Variants in SLC24A1 observed in about 807,000 individuals in gnomAD.
SLC24A1 encodes sodium/potassium/calcium exchanger 1.
In SLC24A1, 52 loss-of-function variants were observed where a neutral mutation model predicts 88.1. The ratio of observed to expected loss-of-function variants is 0.59; its 90% confidence interval spans 0.47 to 0.74. The LOEUF is 0.74. Ranked by LOEUF, SLC24A1 falls within the 30% of genes least tolerant of loss-of-function variation. The pLI is 0.00. For synonymous variants in SLC24A1, 455 were observed against 498.0 expected, an observed-to-expected ratio of 0.91 and a Z score of 1.15; for missense variants, 1,173 against 1,363.3, an observed-to-expected ratio of 0.86 and a Z score of 2.20.
chr15:65,613,711 C>A (rs2074048755), intron 2 of SLC24A1, among the ~76,000 whole-genome samples: 1 of 152,040 alleles, frequency 6.6e-6, no homozygotes, highest in African/African-American at 2.4e-5. Flanking sequence ...GTCTTGAACT[C>A]CTGATTTCAA....
intron 6 of SLC24A1, among the ~76,000 whole-genome samples, chr15:65,646,052 A>G (rs2075290615): frequency 6.6e-6 from 1 of 152,108 alleles, no homozygotes; most frequent in Admixed American, 6.5e-5. Flanking sequence ...GGTGGGAGGG[A>G]TGCTGGGTGA....
chr15:65,652,476 C>T (rs1284659979), intron 8 of SLC24A1, 166 bp from the exon 9 acceptor site: 1 of 576,300 alleles, frequency 1.7e-6, no homozygotes, highest in African/African-American at 1.9e-5. Flanking sequence ...CTCTTCCTCT[C>T]TGTGGCCATC....
chr15:65,634,757 A>AAAAAAAAAAAAAAAAAAAC (rs2074854867), intron 2 of SLC24A1, among the ~76,000 whole-genome samples: 1 of 148,960 alleles, frequency 6.7e-6, no homozygotes, highest in Non-Finnish European at 1.5e-5. Flanking sequence ...AAAAAAAAAA[A>AAAAAAAAAAAAAAAAAAAC]AGAAAAAGAA....
upstream of SLC24A1, among the ~76,000 whole-genome samples, chr15:65,619,165 GTGCTTTTCCACAGATTCTC>G (rs1175741895): frequency 3.3e-5 from 5 of 152,204 alleles, no homozygotes; most frequent in Non-Finnish European, 7.3e-5. Flanking sequence ...ACAGATCAAA[GTGCTTTTCCACAGATTCTC>G]TCACTGTTAC....
Position 65,624,917 on chromosome 15 carries a change from C to T in SLC24A1, c.837C>T (p.Asn279=). 4 of 1,613,362 alleles carry T rather than the reference C, an allele frequency of 2.5e-6. No individual in the cohort carries two copies. The highest frequency in any genetic ancestry group is 3.4e-6 in the Non-Finnish European group (4 of 1,179,702). ...CTCCAAGGAGCGTCATGGAAAAAAA[C>T]AACCTGTTTCCCCCCAGAAGAGTGG... The part of the protein sequence containing the change: ...LTSPRSVMEK[N]NLFPPRRVES... Residue 279 remains asparagine (N), a synonymous_variant, in exon 2 of 10, where the codon AAC becomes AAT. Transcript: ENST00000261892.
upstream of SLC24A1, among the ~76,000 whole-genome samples, chr15:65,619,617 G>A (rs2074256500): frequency 6.6e-6 from 1 of 151,834 alleles, no homozygotes. Flanking sequence ...TGTAGAGTCA[G>A]CTGCAACTCC....
chr15:65,645,526 C>G (rs1371588860), intron 5 of SLC24A1, 86 bp from the exon 6 acceptor site: 1 of 990,814 alleles, frequency 1.0e-6, no homozygotes, highest in African/African-American at 1.6e-5. Context: ...TCCAATAGCC[C>G]TGTAGCCACT....
In SLC24A1 at chr15:65,654,646, A is replaced by G. The variant is rs2075614708; in HGVS notation, c.*567A>G. ...GCTACAGAAAAAAAAGAAATATAAC[A>G]GGAATTAATGATCATTCCACGTTTT... On this transcript the variant is annotated 3_prime_UTR_variant, in exon 10 of 10. Transcript: ENST00000261892. 1.6e-6 allele frequency: 2 copies of G among 1,270,042 alleles called. No individual in the cohort carries two copies. Among genetic ancestry groups the G allele is most frequent in the South Asian group, 2.6e-5 (2 of 77,888 alleles). The allele number at this position is 1,270,042 out of a possible 1,614,324, so 78.7% of individuals were successfully genotyped here.
At chr15:65,621,764 C>A (rs2074325513), upstream of SLC24A1, among the ~76,000 whole-genome samples, 1 of 152,202 alleles carries the variant, frequency 6.6e-6, no homozygotes, top group South Asian at 2.1e-4. Context: ...TCCCCAGTTC[C>A]TCCATTGACT....
At chr15:65,626,927 A>C (rs543567308) in intron 2 of SLC24A1, among the ~76,000 whole-genome samples, 1 of 152,112 alleles carries the variant, frequency 6.6e-6, no homozygotes, top group Non-Finnish European at 1.5e-5. Flanking sequence ...CTGCTCCTAA[A>C]GGGTGAGTTT....
chr15:65,650,795 G>A lies in SLC24A1; in HGVS notation c.2646G>A (p.Glu882=). The change falls in exon 7 of 10, where the codon GAG becomes GAA. Residue 882 remains glutamate, a synonymous_variant. Coordinates refer to ENST00000261892, the MANE Select transcript of SLC24A1 (RefSeq NM_004727.3). This position sits in a 1 kb window ranked among gnomAD's most constrained non-coding sequence, Gnocchi z 4.1. The stretch of plus-strand genomic sequence containing the variant: ...AGGAGGAAGAGCAGGAGGAAGAGGA[G>A]GAGGAGGAGGAGGAAGAGGAGGAGA... ...EEEEEEQEEE[E]EEEEEEEEKG... is the part of the protein sequence containing the mutation. 6.2e-7 allele frequency: 1 copy of A among 1,612,912 alleles called. No homozygotes were observed. The highest frequency in any genetic ancestry group is 8.5e-7 in the Non-Finnish European group (1 of 1,179,328).
Position 65,625,619 on chromosome 15 carries a change from C to T in SLC24A1, c.1539C>T (p.Leu513=). The T allele has an allele frequency of 6.2e-7, 1 of 1,614,052 alleles. No homozygotes were observed. Among genetic ancestry groups the T allele is most frequent in the Non-Finnish European group, 8.5e-7 (1 of 1,179,904 alleles). The part of the protein sequence containing the change: ...GGSAPELFTS[L]IGVFISHSNV... Reference sequence around the variant, plus strand: ...CTGCTCCTGAGCTCTTCACCTCCCTCATCGGTGTCTTCATTTCCCACAGCA... The same window carrying T: ...CTGCTCCTGAGCTCTTCACCTCCCTTATCGGTGTCTTCATTTCCCACAGCA... Residue 513 remains leucine, a synonymous_variant, in exon 2 of 10, where the codon CTC becomes CTT. Coordinates refer to ENST00000261892, the MANE Select transcript of SLC24A1 (RefSeq NM_004727.3).
downstream of SLC24A1, among the ~76,000 whole-genome samples, chr15:65,658,680 T>C (rs1003716285): frequency 6.6e-6 from 1 of 152,180 alleles, no homozygotes; most frequent in Admixed American, 6.5e-5. Context: ...ATCATGTCGG[T>C]ATTCAAAAAG....
intron 2 of SLC24A1, among the ~76,000 whole-genome samples, chr15:65,631,317 A>AT (rs563933257): frequency 4.5e-4 from 69 of 152,232 alleles, no homozygotes; most frequent in East Asian, 1.7e-3. Flanking sequence ...AACCAACAGA[A>AT]TTTTTTTTAG....
chr15:65,645,041 G>C (rs568677642), intron 5 of SLC24A1, among the ~76,000 whole-genome samples: 14 of 152,284 alleles, frequency 9.2e-5, no homozygotes, highest in Non-Finnish European at 1.9e-4. Flanking sequence ...CAGCACACCA[G>C]GACTGCCTGA....
rs1420998534 is a variant in SLC24A1 at position 65,629,373 on chromosome 15, A to G, written c.1890+3403A>G. Among the ~76,000 whole-genome samples the G allele has an allele frequency of 2.6e-5, 4 of 152,372 alleles. No homozygotes were observed. The East Asian group carries it at 7.7e-4, about 29-fold the overall frequency. ...TATTTGACATAGACATATAGTAAGTATTTTAGAGTCTCACTTTTGATACTG... is the reference window on the plus strand; with the variant it reads ...TATTTGACATAGACATATAGTAAGTGTTTTAGAGTCTCACTTTTGATACTG... On this transcript the variant is annotated intron_variant, in intron 2 of 9. Transcript: ENST00000261892.
Position 65,655,606 on chromosome 15 carries a change from C to T in SLC24A1, c.*1527C>T, listed in dbSNP as rs907664931. 1.7e-5 allele frequency: 17 copies of T among 985,046 alleles called. No homozygotes were observed. Among genetic ancestry groups the T allele is most frequent in the Admixed American group, 1.2e-4 (2 of 16,248 alleles). The allele number at this position is 985,046 out of a possible 1,614,324, so 61.0% of individuals were successfully genotyped here. A position where few individuals can be genotyped will look rare whatever the true frequency, so the allele number is the denominator to read the frequency against. On this transcript the variant is annotated 3_prime_UTR_variant, in exon 10 of 10. Transcript: ENST00000261892. Reference sequence around the variant, plus strand: ...CACTGGCTTCAGAGCAAAATGAGCTCGGGTGACTGCAGATTATGATGGTAA... The same window carrying T: ...CACTGGCTTCAGAGCAAAATGAGCTTGGGTGACTGCAGATTATGATGGTAA...
Position 65,625,194 on chromosome 15 carries a change from T to G in SLC24A1, c.1114T>G (p.Ser372Ala). The change falls in exon 2 of 10, where the codon TCC (serine) becomes GCC (alanine). Residue 372 changes from serine (S) to alanine (A), a missense_variant. Coordinates refer to ENST00000261892, the MANE Select transcript of SLC24A1 (RefSeq NM_004727.3). ...AIVWRLAKKPSTAPSTSTTPT... is the reference protein window; with the variant it reads ...AIVWRLAKKPATAPSTSTTPT... ...AGTCTGGAGGCTGGCAAAGAAACCT[T>G]CCACAGCACCCAGCACCTCAACAAC... The G allele has an allele frequency of 3.1e-6, 5 of 1,613,698 alleles. No individual in the cohort carries two copies. The highest frequency in any genetic ancestry group is 2.5e-6 in the Non-Finnish European group (3 of 1,179,848).
downstream of SLC24A1, chr15:65,659,643 C>G (rs1319808739): frequency 2.0e-5 from 3 of 152,056 alleles, no homozygotes; most frequent in Non-Finnish European, 4.4e-5. Context: ...ACGCCCAGCT[C>G]AAGAATGATT....
Sources: gnomAD v4.1 joint callset for allele counts (sites outside exome capture counted in the v4.1 genomes callset) on GRCh38, gnomAD v4.1.1 for gene constraint, Gnocchi (gnomAD v3.1) non-coding constraint, MANE v1.5 for transcripts, NCBI Gene and HGNC (gene_info 2026-07-23, HGNC 2026-07-21) for gene names.